KCNJ6: variants seen among roughly 807,000 people sequenced by gnomAD.
KCNJ6 encodes the protein G protein-activated inward rectifier potassium channel 2.
Under a neutral mutation model 34.2 loss-of-function variants are expected in KCNJ6, and 9 were observed. The ratio of observed to expected loss-of-function variants is 0.26; its 90% CI spans 0.16 to 0.46. KCNJ6 has a LOEUF of 0.46. Ranked by LOEUF, KCNJ6 falls within the 20% of genes least tolerant of loss-of-function variation. The pLI is 1.00. For missense variants in KCNJ6, 236 were observed against 531.3 expected, an observed-to-expected ratio of 0.44 and a Z score of 5.46; for synonymous variants, 196 against 207.1, an observed-to-expected ratio of 0.95 and a Z score of 0.46.
At chr21:37,853,846 G>GTGTATATATATATATATATATACATA (rs71198897) in intron 1 of KCNJ6, among the ~76,000 whole-genome samples, 15 of 115,956 alleles carry the variant, frequency 1.3e-4, no homozygotes, top group East Asian at 3.0e-4. Flanking sequence ...ATATATATAT[G>GTGTATATATATATATATATATACATA]TATATATATA....
At chr21:37,717,431 G>GA (rs1360267681) in intron 2 of KCNJ6, among the ~76,000 whole-genome samples, 2 of 151,396 alleles carry the variant, frequency 1.3e-5, no homozygotes, top group East Asian at 2.1e-4. Context: ...GATGGGGTGG[G>GA]TGTATGGATG....
rs1274050345 is a variant in KCNJ6 at position 37,853,827 on chromosome 21, A to G, written c.-27-13118T>C. ...TTGGTCAATATTAACAGCAGTAGTT[A>G]AGAGATACATATATATATGTATATA... On this transcript the variant is annotated intron_variant, in intron 1 of 3. Coordinates refer to ENST00000609713, the MANE Select transcript of KCNJ6 (RefSeq NM_002240.5). Among the ~76,000 whole-genome samples, 3 of 63,652 alleles carry G rather than the reference A, an allele frequency of 4.7e-5. No homozygotes were observed. In the East Asian group the frequency reaches 2.3e-3, roughly 48 times the overall value. The allele number at this position is 63,652 out of a possible 152,430, so 41.8% of individuals were successfully genotyped here. A position where few individuals can be genotyped will look rare whatever the true frequency, so the allele number is the denominator to read the frequency against.
chr21:37,770,023 A>C (rs2055110165), intron 2 of KCNJ6, among the ~76,000 whole-genome samples: 2 of 152,192 alleles, frequency 1.3e-5, no homozygotes, highest in African/African-American at 4.8e-5. Context: ...TTCTTTATAA[A>C]TTGCCCAGTT....
intron 2 of KCNJ6, among the ~76,000 whole-genome samples, chr21:37,822,528 C>T (rs1024422089): frequency 2.0e-5 from 3 of 152,148 alleles, no homozygotes; most frequent in Non-Finnish European, 4.4e-5. Flanking sequence ...TTGTTTTATG[C>T]GGGAAATTAT....
At chr21:37,774,902 A>C (rs961752687) in intron 2 of KCNJ6, among the ~76,000 whole-genome samples, 7 of 152,158 alleles carry the variant, frequency 4.6e-5, no homozygotes, top group Admixed American at 1.3e-4. Flanking sequence ...ATTTCTAGTT[A>C]TAGATCCCTG....
rs1045433175 is a variant in KCNJ6 at position 37,607,480 on chromosome 21, ATAT to A, written c.*17676_*17678del. The A allele has an allele frequency of 6.3e-5, 8 of 126,960 alleles. No homozygotes were observed. The highest frequency in any genetic ancestry group is 1.8e-4 in the African/African-American group (6 of 32,846). The allele number at this position is 126,960 out of a possible 1,614,324, so 7.9% of individuals were successfully genotyped here. ...TTCTTAAAGATATATATATATATAT[ATAT>A]TTTTTTTTTATTTTAAAAAAATTTG... On this transcript the variant is annotated 3_prime_UTR_variant, in exon 4 of 4. Coordinates refer to ENST00000609713, the MANE Select transcript of KCNJ6 (RefSeq NM_002240.5).
At chr21:37,662,504 T>G (rs1017942285) in intron 3 of KCNJ6, among the ~76,000 whole-genome samples, 4 of 152,252 alleles carry the variant, frequency 2.6e-5, no homozygotes, top group Non-Finnish European at 5.9e-5. Context: ...CTTTATCCAG[T>G]CTATCATTGT....
chr21:37,691,501 T>C (rs1315527523), intron 3 of KCNJ6, among the ~76,000 whole-genome samples: 1 of 152,188 alleles, frequency 6.6e-6, no homozygotes, highest in Non-Finnish European at 1.5e-5. Context: ...GTGGGAACTA[T>C]TGACACCTAT....
At chr21:37,789,870 A>G (rs553415946) in intron 2 of KCNJ6, among the ~76,000 whole-genome samples, 1 of 152,186 alleles carries the variant, frequency 6.6e-6, no homozygotes, top group Admixed American at 6.5e-5. Context: ...CTTTGGACAC[A>G]TATGCATTAG....
chr21:37,784,135 C>T (rs577476561), intron 2 of KCNJ6, among the ~76,000 whole-genome samples: 7 of 152,318 alleles, frequency 4.6e-5, no homozygotes, highest in East Asian at 1.9e-4. Flanking sequence ...CCTCAACATG[C>T]ACTCCCTCCC....
At chr21:37,865,308 A>G (rs1334073227) in intron 1 of KCNJ6, among the ~76,000 whole-genome samples, 2 of 152,234 alleles carry the variant, frequency 1.3e-5, no homozygotes, top group Non-Finnish European at 2.9e-5. Context: ...AGAAGTTACC[A>G]TTATACAGAA....
rs564935060 is a variant in KCNJ6, at chr21:37,631,064, C to T, written c.947-5580G>A. ...TCACAGCACTTATCAGAGTGTTTTA[C>T]AGCAGTTATATGTGTCTGTTTTCCT... On this transcript the variant is annotated intron_variant, in intron 3 of 3. Coordinates refer to ENST00000609713, the MANE Select transcript of KCNJ6 (RefSeq NM_002240.5). Among the ~76,000 whole-genome samples, 11 of 152,264 alleles carry T rather than the reference C, an allele frequency of 7.2e-5. No individual in the cohort carries two copies. The Middle Eastern group carries it at 0.01, about 141-fold the overall frequency.
chr21:37,812,238 C>T (rs2055326614), intron 2 of KCNJ6, among the ~76,000 whole-genome samples: 1 of 152,136 alleles, frequency 6.6e-6, no homozygotes, highest in African/African-American at 2.4e-5. Context: ...TCCCTTGGCC[C>T]CATCACCAGC....
chr21:37,758,645 A>T (rs928755202), intron 2 of KCNJ6, among the ~76,000 whole-genome samples: 3 of 150,398 alleles, frequency 2.0e-5, no homozygotes, highest in Admixed American at 6.6e-5. Context: ...AGCAATAGAG[A>T]TTTTTTTTTT....
At chr21:37,699,476 G>A (rs1011246605) in intron 3 of KCNJ6, among the ~76,000 whole-genome samples, 2 of 152,170 alleles carry the variant, frequency 1.3e-5, no homozygotes, top group Non-Finnish European at 1.5e-5. Context: ...TCTGGAAAGC[G>A]ATCACCCTTC....
intron 2 of KCNJ6, among the ~76,000 whole-genome samples, chr21:37,720,681 T>C (rs2054820479): frequency 6.7e-6 from 1 of 149,194 alleles, no homozygotes; most frequent in South Asian, 2.1e-4. Context: ...ACCCACAGAA[T>C]GGGAGAAAAC....
chr21:37,702,006 G>C (rs1437875987), intron 3 of KCNJ6, among the ~76,000 whole-genome samples: 1 of 152,112 alleles, frequency 6.6e-6, no homozygotes, highest in Non-Finnish European at 1.5e-5. Flanking sequence ...GCTGAGGTGG[G>C]TGGATCACTT....
intron 2 of KCNJ6, among the ~76,000 whole-genome samples, chr21:37,720,938 A>G (rs1018657665): frequency 6.6e-6 from 1 of 151,150 alleles, no homozygotes; most frequent in Non-Finnish European, 1.5e-5. Flanking sequence ...CGATCTCCTG[A>G]CCTCATGATC....
chr21:37,744,396 C>T lies in KCNJ6; in HGVS notation c.26-29265G>A, dbSNP rs184302292. 6.8e-4 allele frequency among the ~76,000 whole-genome samples: 104 copies of T among 152,168 alleles called. 3 individuals are homozygous for T. Among genetic ancestry groups the T allele is most frequent in the African/African-American group, 2.5e-3 (102 of 41,504 alleles). ...TGAGAGGTGACTGGGAAGGAATGCA[C>T]ATGATTTGGAATGCCCTGGAAACAG... On this transcript the variant is annotated intron_variant, in intron 2 of 3. Coordinates refer to ENST00000609713, the MANE Select transcript of KCNJ6 (RefSeq NM_002240.5).
Sources: gnomAD v4.1 joint callset for allele counts (sites outside exome capture counted in the v4.1 genomes callset) on GRCh38, gnomAD v4.1.1 for gene constraint, MANE v1.5 for transcripts, NCBI Gene and HGNC (gene_info 2026-07-23, HGNC 2026-07-21) for gene names.